Variants in MAPKAP1 observed in about 807,000 individuals in gnomAD.
MAPKAP1 encodes MAPK associated protein 1.
Under a neutral mutation model 65.7 loss-of-function variants are expected in MAPKAP1, and 20 were observed. The ratio of observed to expected loss-of-function variants is 0.30; its 90% confidence interval spans 0.21 to 0.44. The LOEUF is 0.44. Among genes scored for constraint, MAPKAP1 ranks in the 20% least tolerant of loss-of-function variants. The probability of loss-of-function intolerance (pLI) is 1.00; values close to 1 mark genes in which losing one functional copy is unlikely to be tolerated. For missense variants in MAPKAP1, 423 were observed against 648.0 expected (o/e 0.65, Z 3.77); for synonymous variants, 222 against 244.3 (o/e 0.91, Z 0.85).
intron 7 of MAPKAP1, among the ~76,000 whole-genome samples, chr9:125,526,782 TTTTC>T (rs1829782184): frequency 6.6e-6 from 1 of 151,608 alleles, no homozygotes; most frequent in Non-Finnish European, 1.5e-5. Context: ...CTTTTTTCTT[TTTTC>T]TTTTTTTTTT....
intron 4 of MAPKAP1, among the ~76,000 whole-genome samples, chr9:125,598,156 CT>C (rs979256359): frequency 3.3e-5 from 5 of 150,060 alleles, no homozygotes; most frequent in East Asian, 1.9e-4. Flanking sequence ...ACAAAAAGAA[CT>C]TTTTTTTTAC....
In MAPKAP1 at chr9:125,591,667, A is replaced by G. The variant is rs931685414; in HGVS notation, c.499-5940T>C. On this transcript the variant is annotated intron_variant, in intron 4 of 11. Coordinates refer to ENST00000265960, the MANE Select transcript of MAPKAP1 (RefSeq NM_001006617.3). The stretch of plus-strand genomic sequence containing the variant: ...GCACACTGAAATTACATATTTTTTA[A>G]TAAGGAGACTGTCTTCTGAAAAAGC... Among the ~76,000 whole-genome samples the G allele has an allele frequency of 3.9e-5, 6 of 152,342 alleles. No individual in the cohort carries two copies. The East Asian group carries it at 5.8e-4, about 15-fold the overall frequency.
intron 7 of MAPKAP1, among the ~76,000 whole-genome samples, chr9:125,510,292 T>C (rs1449405606): frequency 1.3e-5 from 2 of 152,242 alleles, no homozygotes; most frequent in Non-Finnish European, 2.9e-5. Flanking sequence ...AAAAAGGCCA[T>C]AGTTTATACC....
intron 4 of MAPKAP1, among the ~76,000 whole-genome samples, chr9:125,592,559 G>A (rs1476363873): frequency 6.6e-6 from 1 of 152,096 alleles, no homozygotes; most frequent in Non-Finnish European, 1.5e-5. Flanking sequence ...AGAGAGGATC[G>A]ATTTCAAAAA....
intron 11 of MAPKAP1, among the ~76,000 whole-genome samples, chr9:125,440,658 G>C (rs1481246323): frequency 6.6e-6 from 1 of 152,176 alleles, no homozygotes; most frequent in East Asian, 1.9e-4. Flanking sequence ...CCAACTTTCT[G>C]CTCTGCTGGT....
intron 2 of MAPKAP1, 83 bp from the exon 3 acceptor site, chr9:125,669,990 T>C: frequency 2.5e-6 from 2 of 800,618 alleles, no homozygotes; most frequent in Non-Finnish European, 4.0e-6. Context: ...TTTACATGAA[T>C]AAAGATGTTT....
intron 8 of MAPKAP1, among the ~76,000 whole-genome samples, chr9:125,495,003 T>C (rs1196703045): frequency 1.3e-5 from 2 of 152,246 alleles, no homozygotes; most frequent in Non-Finnish European, 2.9e-5. Flanking sequence ...GGATGAAGCA[T>C]GACCACTTAA....
At chr9:125,685,298 G>A (rs1834942424) in intron 1 of MAPKAP1, among the ~76,000 whole-genome samples, 1 of 152,206 alleles carries the variant, frequency 6.6e-6, no homozygotes, top group African/African-American at 2.4e-5. Context: ...GTCAAGGAAT[G>A]CCTCACTTAA....
chr9:125,665,656 A>AC (rs1834319743), intron 3 of MAPKAP1, among the ~76,000 whole-genome samples: 1 of 152,074 alleles, frequency 6.6e-6, no homozygotes, highest in Admixed American at 6.6e-5. Context: ...CAAAAAAAAA[A>AC]CATAACTTTG....
chr9:125,649,392 A>G (rs935506190), intron 4 of MAPKAP1, among the ~76,000 whole-genome samples: 2 of 152,248 alleles, frequency 1.3e-5, no homozygotes, highest in Admixed American at 6.5e-5. Flanking sequence ...GACACCTGGC[A>G]TCTGCCTCAT....
At chr9:125,529,341 A>G (rs1742225184) in intron 7 of MAPKAP1, among the ~76,000 whole-genome samples, 1 of 152,050 alleles carries the variant, frequency 6.6e-6, no homozygotes, top group Admixed American at 6.6e-5. Flanking sequence ...TGTCACCCTT[A>G]TATCCTTATT....
intron 4 of MAPKAP1, among the ~76,000 whole-genome samples, chr9:125,636,932 G>A (rs967242491): frequency 1.3e-5 from 2 of 152,188 alleles, no homozygotes; most frequent in African/African-American, 4.8e-5. Context: ...CATACATGCA[G>A]ATGATCTGAT....
At chr9:125,504,976 T>G (rs1829095374) in intron 8 of MAPKAP1, among the ~76,000 whole-genome samples, 1 of 152,234 alleles carries the variant, frequency 6.6e-6, no homozygotes, top group Admixed American at 6.5e-5. Flanking sequence ...CAACTTGGTA[T>G]GGGCCAGGGT....
intron 4 of MAPKAP1, among the ~76,000 whole-genome samples, chr9:125,648,081 T>A (rs1833782517): frequency 1.3e-5 from 2 of 152,294 alleles, no homozygotes; most frequent in East Asian, 1.9e-4. Flanking sequence ...TTTTAAATTT[T>A]AAAAAATTTC....
rs188375412 is a variant in MAPKAP1, at chr9:125,591,545, G to T, written c.499-5818C>A. 7.4e-3 allele frequency among the ~76,000 whole-genome samples: 1,132 copies of T among 152,280 alleles called. 19 individuals are homozygous for T. Among genetic ancestry groups the T allele is most frequent in the African/African-American group, 0.025 (1,055 of 41,546 alleles). The stretch of plus-strand genomic sequence containing the variant: ...ATAGAAAGTGGGGCAAAAACTATCG[G>T]AATGAATATGATAGATACTTATTAA... On this transcript the variant is annotated intron_variant, in intron 4 of 11. Coordinates refer to ENST00000265960, the MANE Select transcript of MAPKAP1 (RefSeq NM_001006617.3).
chr9:125,468,180 T>C (rs370174375), intron 9 of MAPKAP1, 71 bp from the exon 10 acceptor site: 7 of 1,482,642 alleles, frequency 4.7e-6, no homozygotes, highest in East Asian at 4.5e-5. Flanking sequence ...AGGGAAATCA[T>C]TTGACCTGTT....
intron 1 of MAPKAP1, among the ~76,000 whole-genome samples, chr9:125,698,037 C>T (rs1027360917): frequency 6.6e-6 from 1 of 151,328 alleles, no homozygotes; most frequent in Non-Finnish European, 1.5e-5. Context: ...AAATCCAGAG[C>T]AGCATGGAAA....
At chr9:125,487,678 A>G (rs577301033) in intron 8 of MAPKAP1, among the ~76,000 whole-genome samples, 1 of 151,990 alleles carries the variant, frequency 6.6e-6, no homozygotes, top group East Asian at 1.9e-4. Context: ...GATTAAAACC[A>G]ATTTAAAAAT....
intron 1 of MAPKAP1, among the ~76,000 whole-genome samples, chr9:125,698,284 T>TATAA (rs1835456175): frequency 7.7e-5 from 2 of 25,912 alleles, no homozygotes; most frequent in South Asian, 1.1e-3. Context: ...ACATAATATA[T>TATAA]ATAAATATAT....
Sources: gnomAD v4.1 joint callset for allele counts (sites outside exome capture counted in the v4.1 genomes callset) on GRCh38, gnomAD v4.1.1 for gene constraint, MANE v1.5 for transcripts, NCBI Gene and HGNC (gene_info 2026-07-23, HGNC 2026-07-21) for gene names.